The following PACRG variants were observed in gnomAD, a reference collection of about 807,000 sequenced individuals.
PACRG encodes parkin coregulated, also known as parkin coregulated gene protein.
Under a neutral mutation model 29.7 loss-of-function variants are expected in PACRG, and 29 were observed. That is an observed-to-expected ratio of 0.98 (90% confidence interval 0.73 to 1.33). The LOEUF (loss-of-function observed/expected upper bound fraction) is 1.33. Ranked by LOEUF, PACRG falls within the 40% of genes most tolerant of loss-of-function variation. The probability of loss-of-function intolerance (pLI) is 0.00; values close to 1 mark genes in which losing one functional copy is unlikely to be tolerated. For synonymous variants in PACRG, 116 were observed against 118.7 expected (o/e 0.98, Z 0.15); for missense variants, 279 against 316.2 (o/e 0.88, Z 0.89).
At chr6:162,746,358 G>T (rs990028980) in intron 1 of PACRG, among the ~76,000 whole-genome samples, 5 of 152,106 alleles carry the variant, frequency 3.3e-5, no homozygotes, top group African/African-American at 9.7e-5. Flanking sequence ...AAAATTTTTT[G>T]AATATAACAC....
upstream of PACRG, chr6:162,727,665 T>C (rs747682986): frequency 6.9e-6 from 11 of 1,583,762 alleles, no homozygotes; most frequent in Non-Finnish European, 8.6e-6. Context: ...CACGTACCTA[T>C]CATGGTCACT....
chr6:163,060,663 G>A (rs1291517425), intron 2 of PACRG, among the ~76,000 whole-genome samples: 1 of 152,082 alleles, frequency 6.6e-6, no homozygotes, highest in Non-Finnish European at 1.5e-5. Context: ...ACCTGAACAT[G>A]CATTGTAAAT....
intron 2 of PACRG, among the ~76,000 whole-genome samples, chr6:163,027,713 A>G (rs765020984): frequency 3.3e-5 from 5 of 152,216 alleles, no homozygotes; most frequent in Admixed American, 3.3e-4. Context: ...ATACAGAAGC[A>G]CTTCTATAAA....
At chr6:163,197,605 G>A (rs1308448491) in intron 4 of PACRG, among the ~76,000 whole-genome samples, 4 of 129,212 alleles carry the variant, frequency 3.1e-5, no homozygotes, top group South Asian at 4.9e-4. Flanking sequence ...CACCACGCCC[G>A]GCTAATTTTT....
chr6:162,763,440 C>T (rs890734736), intron 1 of PACRG, among the ~76,000 whole-genome samples: 6 of 152,184 alleles, frequency 3.9e-5, no homozygotes, highest in African/African-American at 1.4e-4. Flanking sequence ...TAAAATAGAA[C>T]ATACATCAGC....
At position 163,225,082 on chromosome 6, in the gene PACRG, G is replaced by A. The variant is rs1177916271; in HGVS notation, c.614-89745G>A. Among the ~76,000 whole-genome samples, 5 of 152,048 alleles carry A rather than the reference G, an allele frequency of 3.3e-5. No individual in the cohort carries two copies. In the East Asian group the frequency reaches 7.7e-4, roughly 23 times the overall value. On this transcript the variant is annotated intron_variant, in intron 4 of 4. Coordinates refer to ENST00000366888, the MANE Select transcript of PACRG (RefSeq NM_001080379.2). ...AAGAAGACATACAGATGGCAAACAG[G>A]TACATGAAAAAATGGTCAGCATCAG...
At chr6:162,734,296 G>A (rs1179747913) in intron 1 of PACRG, among the ~76,000 whole-genome samples, 1 of 152,054 alleles carries the variant, frequency 6.6e-6, no homozygotes, top group African/African-American at 2.4e-5. Context: ...AAAAAATTCA[G>A]TCTTTTTTTC....
At chr6:163,005,263 G>A (rs1254396473) in intron 2 of PACRG, among the ~76,000 whole-genome samples, 1 of 151,758 alleles carries the variant, frequency 6.6e-6, no homozygotes, top group Non-Finnish European at 1.5e-5. Flanking sequence ...AGGTTTCATT[G>A]ATTTTTCCTT....
At chr6:162,807,226 A>G (rs903339185) in intron 1 of PACRG, among the ~76,000 whole-genome samples, 1 of 152,226 alleles carries the variant, frequency 6.6e-6, no homozygotes, top group Non-Finnish European at 1.5e-5. Context: ...TTTCCGTATC[A>G]GCAATAAGCC....
At chr6:163,037,994 A>G (rs1808364814) in intron 2 of PACRG, among the ~76,000 whole-genome samples, 1 of 152,266 alleles carries the variant, frequency 6.6e-6, no homozygotes, top group Non-Finnish European at 1.5e-5. Context: ...TAAAGTGGCA[A>G]TAATAATGAT....
intron 2 of PACRG, among the ~76,000 whole-genome samples, chr6:163,007,529 T>A (rs1272795136): frequency 6.6e-6 from 1 of 152,162 alleles, no homozygotes; most frequent in Non-Finnish European, 1.5e-5. Context: ...CACCCTACTC[T>A]GTCTCCTCAG....
At chr6:162,782,531 C>A (rs1784169869) in intron 1 of PACRG, among the ~76,000 whole-genome samples, 1 of 151,682 alleles carries the variant, frequency 6.6e-6, no homozygotes, top group African/African-American at 2.4e-5. Flanking sequence ...ATGATTTTTT[C>A]TTTTTAAAAC....
chr6:163,289,615 C>T (rs2128186458), intron 4 of PACRG, among the ~76,000 whole-genome samples: 1 of 152,276 alleles, frequency 6.6e-6, no homozygotes, highest in South Asian at 2.1e-4. Flanking sequence ...CCAGTCCCAG[C>T]CATCACAGCA....
chr6:163,227,299 C>T (rs976914041), intron 4 of PACRG, among the ~76,000 whole-genome samples: 4 of 152,182 alleles, frequency 2.6e-5, no homozygotes, highest in Non-Finnish European at 4.4e-5. Flanking sequence ...TAAGGTGCCA[C>T]GTACTTAACA....
chr6:163,191,989 G>A (rs1780238993), intron 4 of PACRG: 1 of 293,052 alleles, frequency 3.4e-6, no homozygotes, highest in Admixed American at 4.5e-5. Context: ...GGCAGTTGTT[G>A]TTGAATTGAT....
chr6:163,270,559 TAAAGG>T (rs933175555), intron 4 of PACRG, among the ~76,000 whole-genome samples: 1 of 151,622 alleles, frequency 6.6e-6, no homozygotes, highest in African/African-American at 2.4e-5. Context: ...ATTTCTTGTA[TAAAGG>T]GATCTCACCA....
intron 1 of PACRG, among the ~76,000 whole-genome samples, chr6:162,731,956 T>C (rs192544021): frequency 6.6e-6 from 1 of 152,058 alleles, no homozygotes; most frequent in African/African-American, 2.4e-5. Context: ...CATAGGAGCA[T>C]GTTTGTTCTT....
chr6:162,752,623 A>G (rs1163603800), intron 1 of PACRG, among the ~76,000 whole-genome samples: 3 of 152,222 alleles, frequency 2.0e-5, no homozygotes, highest in Admixed American at 1.3e-4. Context: ...TTAACAGAAC[A>G]TAGCATCTAT....
chr6:163,009,913 T>C (rs1272883242), intron 2 of PACRG, among the ~76,000 whole-genome samples: 1 of 152,266 alleles, frequency 6.6e-6, no homozygotes, highest in Non-Finnish European at 1.5e-5. Flanking sequence ...CATATCTTCA[T>C]ACATTTATAT....
Sources: allele counts gnomAD v4.1 joint callset (sites outside exome capture counted in the v4.1 genomes callset), GRCh38; gene constraint gnomAD v4.1.1; transcripts MANE v1.5; gene names NCBI Gene and HGNC (gene_info 2026-07-23, HGNC 2026-07-21).